Variants in RPS6KA2 observed in about 807,000 individuals in gnomAD.
RPS6KA2 encodes the protein ribosomal protein S6 kinase alpha-2.
A neutral mutation model predicts 91.8 loss-of-function variants in RPS6KA2; 42 were observed. The observed-to-expected ratio is 0.46, with a 90% CI of 0.36 to 0.59. RPS6KA2 has a LOEUF of 0.59. RPS6KA2 is among the 20% of genes least tolerant of loss of function. The pLI is 0.00. For synonymous variants in RPS6KA2, 414 were observed against 393.6 expected, an observed-to-expected ratio of 1.05 and a Z score of -0.61; for missense variants, 798 against 978.5, an observed-to-expected ratio of 0.82 and a Z score of 2.46.
At chr6:166,539,911 C>T (rs1315515610) in intron 1 of RPS6KA2, among the ~76,000 whole-genome samples, 7 of 152,336 alleles carry the variant, frequency 4.6e-5, no homozygotes. Context: ...ACAGTTTTAG[C>T]TCGGGGTGAG....
At chr6:166,468,856 T>TCCGCCTCAAAAAAAAAAA (rs567161437) in intron 11 of RPS6KA2, among the ~76,000 whole-genome samples, 22 of 112,172 alleles carry the variant, frequency 2.0e-4, no homozygotes, top group African/African-American at 6.9e-4. Flanking sequence ...AGAGCGAGAC[T>TCCGCCTCAAAAAAAAAAA]AAAAAAAAAA....
chr6:166,852,893 C>G lies in RPS6KA2; in HGVS notation c.123+5307G>C, dbSNP rs903097617. Among the ~76,000 whole-genome samples, 1 of 152,148 alleles carries G rather than the reference C, an allele frequency of 6.6e-6. No individual in the cohort carries two copies. On this transcript the variant is annotated intron_variant, in intron 2 of 21. Coordinates refer to the RPS6KA2 transcript ENST00000503859. The surrounding 1 kb of genome is among the most constrained non-coding windows in gnomAD (Gnocchi z 4.1). ...CCCTGTGATCCCCGTGTGGCTGTGT[C>G]CTGCCAACTGATGGTGACAGCAGGA...
At chr6:166,498,293 C>G (rs1024051707) in intron 8 of RPS6KA2, among the ~76,000 whole-genome samples, 18 of 152,256 alleles carry the variant, frequency 1.2e-4, no homozygotes, top group Admixed American at 5.9e-4. Flanking sequence ...TGCGTTTCTG[C>G]GTTCTCGTTT....
intron 2 of RPS6KA2, among the ~76,000 whole-genome samples, chr6:166,741,700 G>A (rs1241148399): frequency 2.6e-5 from 4 of 152,150 alleles, no homozygotes; most frequent in Non-Finnish European, 4.4e-5. Context: ...CCAGGGCCCC[G>A]CCTTCAAGGG....
At chr6:166,480,215 A>G (rs1488942079) in intron 10 of RPS6KA2, among the ~76,000 whole-genome samples, 1 of 152,032 alleles carries the variant, frequency 6.6e-6, no homozygotes, top group African/African-American at 2.4e-5. Flanking sequence ...AACAGTGAGG[A>G]TTGCCAAATG....
chr6:166,590,653 C>T (rs980535628), intron 1 of RPS6KA2, among the ~76,000 whole-genome samples: 21 of 152,178 alleles, frequency 1.4e-4, no homozygotes, highest in South Asian at 4.1e-4. Context: ...ACTGAAAGCA[C>T]GTCTATGTTA....
intron 2 of RPS6KA2, among the ~76,000 whole-genome samples, chr6:166,537,132 A>T (rs557134149): frequency 1.3e-5 from 2 of 152,324 alleles, no homozygotes; most frequent in African/African-American, 4.8e-5. Flanking sequence ...CCGCCATGGG[A>T]TGTATTCCAG....
At chr6:166,640,971 A>G (rs937661816) in intron 2 of RPS6KA2, among the ~76,000 whole-genome samples, 2 of 152,194 alleles carry the variant, frequency 1.3e-5, no homozygotes, top group Non-Finnish European at 2.9e-5. Flanking sequence ...TTTAGCTCAC[A>G]CTTCAGCCAG....
intron 2 of RPS6KA2, among the ~76,000 whole-genome samples, chr6:166,657,171 A>C (rs553768437): frequency 6.6e-6 from 1 of 152,270 alleles, no homozygotes; most frequent in South Asian, 2.1e-4. Context: ...GAACTTCATC[A>C]TGGGCTAGGA....
At chr6:166,579,734 G>T (rs1784947232) in intron 1 of RPS6KA2, among the ~76,000 whole-genome samples, 2 of 152,288 alleles carry the variant, frequency 1.3e-5, no homozygotes, top group South Asian at 4.2e-4. Context: ...GGTATTTAAT[G>T]TCGCTAAATT....
At chr6:166,846,403 A>C (rs945168066) in intron 2 of RPS6KA2, among the ~76,000 whole-genome samples, 12 of 151,774 alleles carry the variant, frequency 7.9e-5, no homozygotes, top group Non-Finnish European at 1.5e-4. Context: ...GAAGGACATA[A>C]AAAAAAAGAA....
intron 7 of RPS6KA2, among the ~76,000 whole-genome samples, chr6:166,499,582 A>G (rs998307734): frequency 2.0e-5 from 3 of 152,188 alleles, no homozygotes; most frequent in Admixed American, 6.5e-5. Context: ...TATACAGGGC[A>G]GTTCTCCTGC....
intron 2 of RPS6KA2, among the ~76,000 whole-genome samples, chr6:166,725,948 C>T (rs975741945): frequency 1.3e-5 from 2 of 152,154 alleles, no homozygotes; most frequent in South Asian, 4.1e-4. Flanking sequence ...TTTGGGGAAC[C>T]GACAGATTTA....
At chr6:166,857,159 G>A (rs1780925468) in intron 2 of RPS6KA2, among the ~76,000 whole-genome samples, 1 of 152,204 alleles carries the variant, frequency 6.6e-6, no homozygotes, top group Admixed American at 6.5e-5. Flanking sequence ...GTAGTGAAAC[G>A]TAGCGTTCAG....
At chr6:166,674,420 T>C (rs183968697) in intron 2 of RPS6KA2, among the ~76,000 whole-genome samples, 36 of 152,154 alleles carry the variant, frequency 2.4e-4, no homozygotes, top group Admixed American at 2.0e-3. Context: ...ACTGCTGCCC[T>C]GGGAGCAGGG....
At chr6:166,657,831 G>A (rs1036005314) in intron 2 of RPS6KA2, among the ~76,000 whole-genome samples, 1 of 152,230 alleles carries the variant, frequency 6.6e-6, no homozygotes, top group African/African-American at 2.4e-5. Context: ...CCTGAAGACC[G>A]AAAACCTGAA....
Position 166,767,834 on chromosome 6 carries a change from G to A in RPS6KA2, c.123+90366C>T, listed in dbSNP as rs1278789532. Among the ~76,000 whole-genome samples the A allele has an allele frequency of 1.0e-4, 15 of 149,824 alleles. No individual in the cohort carries two copies. The highest frequency in any genetic ancestry group is 2.0e-4 in the East Asian group (1 of 5,104). On this transcript the variant is annotated intron_variant, in intron 2 of 21. Transcript: ENST00000503859. The surrounding 1 kb of genome is among the most constrained non-coding windows in gnomAD (Gnocchi z 4.6). ...ACACACACCCTGGTGTCAGGCAGCC[G>A]GCCACCACAGAGTGTGTGCGGGGAT...
chr6:166,417,261 A>G (rs772440507), intron 19 of RPS6KA2, among the ~76,000 whole-genome samples: 1 of 152,220 alleles, frequency 6.6e-6, no homozygotes, highest in Admixed American at 6.5e-5. Flanking sequence ...TCATTCTGCA[A>G]TATCACTAAA....
In RPS6KA2 at chr6:166,456,713, A is replaced by C. The variant is rs529091040; in HGVS notation, c.1075+2736T>G. On this transcript the variant is annotated intron_variant, in intron 12 of 20. Transcript: ENST00000265678. ...TGCTCATTCACCCAGCCATGTGCTC[A>C]GCTCACATGCTTAGAAAATCCTACT... Among the ~76,000 whole-genome samples the C allele has an allele frequency of 5.9e-5, 9 of 152,364 alleles. No individual in the cohort carries two copies. The East Asian group carries it at 9.6e-4, about 16-fold the overall frequency.
Sources: allele counts gnomAD v4.1 joint callset (sites outside exome capture counted in the v4.1 genomes callset), GRCh38; gene constraint gnomAD v4.1.1; non-coding constraint Gnocchi (gnomAD v3.1); transcripts MANE v1.5; gene names NCBI Gene and HGNC (gene_info 2026-07-23, HGNC 2026-07-21).